Variants in CUL1 observed in about 807,000 individuals in gnomAD.
CUL1 encodes the protein cullin-1.
CUL1 carries 24 observed loss-of-function variants against 118.0 expected under a neutral mutation model. The ratio of observed to expected loss-of-function variants is 0.20; its 90% confidence interval spans 0.15 to 0.29. The LOEUF (loss-of-function observed/expected upper bound fraction) is 0.29, where lower values mean the gene tolerates loss of function less well. Ranked by LOEUF, CUL1 falls within the 10% of genes least tolerant of loss-of-function variation. The pLI is 1.00. For synonymous variants in CUL1, 332 were observed against 340.4 expected (o/e 0.98, Z 0.27); for missense variants, 361 against 933.8 (o/e 0.39, Z 7.99).
chr7:148,778,571 C>T (rs566377704), intron 9 of CUL1, among the ~76,000 whole-genome samples: 3 of 152,274 alleles, frequency 2.0e-5, no homozygotes, highest in African/African-American at 7.2e-5. Flanking sequence ...AACAACTGCA[C>T]GATATGTTTT....
chr7:148,735,157 C>G (rs1430435255), intron 2 of CUL1, among the ~76,000 whole-genome samples: 5 of 152,320 alleles, frequency 3.3e-5, no homozygotes, highest in Non-Finnish European at 7.4e-5. Flanking sequence ...CTCAGTAAGT[C>G]ATAACATAAG....
chr7:148,751,522 G>A (rs1382486198), intron 2 of CUL1, among the ~76,000 whole-genome samples: 2 of 131,826 alleles, frequency 1.5e-5, no homozygotes, highest in Non-Finnish European at 3.1e-5. Context: ...GAGACAGAGT[G>A]AGACTCTGTC....
At chr7:148,699,766 C>T (rs1166017481) in intron 1 of CUL1, among the ~76,000 whole-genome samples, 2 of 152,070 alleles carry the variant, frequency 1.3e-5, no homozygotes, top group Non-Finnish European at 2.9e-5. Context: ...CCGGCGCCCG[C>T]CTATCGCTCG....
rs190630323 is a variant in CUL1, at chr7:148,796,682, T to C, written c.1900-1130T>C. On this transcript the variant is annotated intron_variant, in intron 17 of 21. Transcript: ENST00000325222. Reference sequence around the variant, plus strand: ...ACTGTCAGGTCTTTGCTTGGCTGCTTCTGATCAGGATTTTAGGCCAGTCTC... The same window carrying C: ...ACTGTCAGGTCTTTGCTTGGCTGCTCCTGATCAGGATTTTAGGCCAGTCTC... 1.4e-4 allele frequency among the ~76,000 whole-genome samples: 22 copies of C among 152,222 alleles called. No individual in the cohort carries two copies. The East Asian group carries it at 3.9e-3, about 27-fold the overall frequency.
chr7:148,732,494 A>G (rs1798795380), intron 2 of CUL1, among the ~76,000 whole-genome samples: 2 of 150,860 alleles, frequency 1.3e-5, no homozygotes, highest in Non-Finnish European at 2.9e-5. Context: ...GGCACGCACC[A>G]TCATGCCCGG....
At chr7:148,759,049 T>C (rs1360292516) in intron 4 of CUL1, among the ~76,000 whole-genome samples, 1 of 152,226 alleles carries the variant, frequency 6.6e-6, no homozygotes, top group Non-Finnish European at 1.5e-5. Flanking sequence ...TTTAAACTTT[T>C]CCTATACTGT....
At chr7:148,742,236 T>G (rs1282129242) in intron 2 of CUL1, among the ~76,000 whole-genome samples, 1 of 152,164 alleles carries the variant, frequency 6.6e-6, no homozygotes, top group Non-Finnish European at 1.5e-5. Context: ...TACCCGAGAC[T>G]GGGTAATTTA....
At chr7:148,746,412 T>C (rs796151690) in intron 2 of CUL1, among the ~76,000 whole-genome samples, 2 of 152,274 alleles carry the variant, frequency 1.3e-5, no homozygotes, top group African/African-American at 4.8e-5. Flanking sequence ...TTAAGGACCA[T>C]TGCAAGAATC....
intron 9 of CUL1, among the ~76,000 whole-genome samples, chr7:148,774,606 G>C (rs983488649): frequency 6.6e-6 from 1 of 152,194 alleles, no homozygotes; most frequent in African/African-American, 2.4e-5. Context: ...GGCTATAAGA[G>C]AATATCTCCT....
rs371801716 is a variant in CUL1, at chr7:148,789,871, G to C, written c.1674+45G>C. ...CCATCCCATTAGTGCTAAGTGGAGG[G>C]TGGGGCAGGGCAGCCTTCACTGTGG... On this transcript the variant is annotated intron_variant, in intron 15 of 21. Transcript: ENST00000325222. 12 of 1,555,798 alleles carry C rather than the reference G, an allele frequency of 7.7e-6. No individual in the cohort carries two copies. In the African/African-American group the frequency reaches 1.6e-4, roughly 21 times the overall value.
At chr7:148,744,127 A>G (rs1448323350) in intron 2 of CUL1, among the ~76,000 whole-genome samples, 1 of 152,034 alleles carries the variant, frequency 6.6e-6, no homozygotes, top group East Asian at 1.9e-4. Context: ...TTTGCTTTCA[A>G]CTTATGTGTA....
At chr7:148,710,399 G>A (rs868021515) in intron 1 of CUL1, among the ~76,000 whole-genome samples, 3 of 152,086 alleles carry the variant, frequency 2.0e-5, no homozygotes, top group Non-Finnish European at 4.4e-5. Flanking sequence ...TAGAAACCCC[G>A]TCTCTACTAA....
intron 2 of CUL1, among the ~76,000 whole-genome samples, chr7:148,744,435 T>A (rs1290874747): frequency 1.5e-5 from 2 of 137,918 alleles, no homozygotes; most frequent in Admixed American, 7.5e-5. Flanking sequence ...TGTGTGTGTG[T>A]GTGAAAGAGA....
intron 9 of CUL1, among the ~76,000 whole-genome samples, chr7:148,768,453 C>T (rs896918704): frequency 1.4e-5 from 2 of 142,994 alleles, no homozygotes; most frequent in Admixed American, 7.4e-5. Context: ...TGTGCCATCT[C>T]GGCTCACTGC....
At chr7:148,766,528 T>G in intron 7 of CUL1, 33 bp from the exon 8 acceptor site, 1 of 1,566,580 alleles carries the variant, frequency 6.4e-7, no homozygotes, top group Admixed American at 2.0e-5. Flanking sequence ...TACCAATGAA[T>G]CAAAACCATT....
At chr7:148,739,671 G>A (rs1799078177) in intron 2 of CUL1, among the ~76,000 whole-genome samples, 1 of 152,170 alleles carries the variant, frequency 6.6e-6, no homozygotes, top group South Asian at 2.1e-4. Flanking sequence ...TTTTCTTCAA[G>A]TCTGAGGCTT....
chr7:148,773,035 C>T (rs1437191218), intron 9 of CUL1, among the ~76,000 whole-genome samples: 1 of 152,074 alleles, frequency 6.6e-6, no homozygotes, highest in Non-Finnish European at 1.5e-5. Flanking sequence ...CACTGCACCT[C>T]CCAAATGGCC....
At chr7:148,719,241 G>A (rs957560402) in intron 1 of CUL1, among the ~76,000 whole-genome samples, 1 of 152,102 alleles carries the variant, frequency 6.6e-6, no homozygotes, top group African/African-American at 2.4e-5. Context: ...AACCCGGGAG[G>A]CGGAGCTTGC....
At chr7:148,782,512 A>G (rs780171245) in intron 9 of CUL1, among the ~76,000 whole-genome samples, 11 of 152,224 alleles carry the variant, frequency 7.2e-5, no homozygotes, top group Non-Finnish European at 1.5e-4. Context: ...TTATTTGGCA[A>G]TTATTTTGCA....
Sources: gnomAD v4.1 joint callset for allele counts (sites outside exome capture counted in the v4.1 genomes callset) on GRCh38, gnomAD v4.1.1 for gene constraint, MANE v1.5 for transcripts, NCBI Gene and HGNC (gene_info 2026-07-23, HGNC 2026-07-21) for gene names.